The following CCDC152 variants were observed in gnomAD, a reference collection of about 807,000 sequenced individuals.
CCDC152 encodes the protein coiled-coil domain-containing protein 152.
A neutral mutation model predicts 38.1 loss-of-function variants in CCDC152; 37 were observed. The observed-to-expected ratio is 0.97, with a 90% CI of 0.75 to 1.28. CCDC152 has a LOEUF of 1.28. CCDC152 is among the 50% of genes most tolerant of loss of function. The pLI is 0.00. For missense variants in CCDC152, 259 were observed against 292.1 expected, an observed-to-expected ratio of 0.89 and a Z score of 0.83; for synonymous variants, 83 against 87.1, an observed-to-expected ratio of 0.95 and a Z score of 0.26.
chr5:42,785,326 T>A (rs1313568358), intron 6 of CCDC152, among the ~76,000 whole-genome samples: 3 of 152,132 alleles, frequency 2.0e-5, no homozygotes, highest in African/African-American at 7.2e-5. Flanking sequence ...CTTTGTTAAA[T>A]GTATTTCCAG....
intron 4 of CCDC152, among the ~76,000 whole-genome samples, chr5:42,778,877 C>T (rs549989222): frequency 3.0e-4 from 46 of 152,246 alleles, no homozygotes; most frequent in African/African-American, 1.1e-3. Context: ...CTCCCTGTAA[C>T]CTCTAAAACC....
chr5:42,770,065 T>C (rs1474034771), intron 4 of CCDC152, among the ~76,000 whole-genome samples: 5 of 152,250 alleles, frequency 3.3e-5, no homozygotes, highest in African/African-American at 1.2e-4. Flanking sequence ...TGTCATAGAC[T>C]AAGACTATAT....
Position 42,800,952 on chromosome 5 carries a change from CGACAATGGCAGCATCAGCTCCTAG to C in CCDC152, c.*1174_*1197del. ...CCCTGTTTTTTCAAATATCAGATGT[CGACAATGGCAGCATCAGCTCCTAG>C]GAGCCAACTCTGAATCTGTGGGCAA... is the stretch of plus-strand genomic sequence containing the variant. On this transcript the variant is annotated 3_prime_UTR_variant, in exon 9 of 9. Transcript: ENST00000361970. The C allele has an allele frequency of 6.2e-7, 1 of 1,614,200 alleles. No homozygotes were observed. The highest frequency in any genetic ancestry group is 8.5e-7 in the Non-Finnish European group (1 of 1,180,038).
At chr5:42,761,087 G>A (rs762770384) in intron 2 of CCDC152, among the ~76,000 whole-genome samples, 4 of 152,146 alleles carry the variant, frequency 2.6e-5, no homozygotes, top group African/African-American at 4.8e-5. Flanking sequence ...TGAGACTAGG[G>A]CAGTGGATAG....
At chr5:42,797,633 C>T (rs181920484) in intron 7 of CCDC152, among the ~76,000 whole-genome samples, 18 of 152,198 alleles carry the variant, frequency 1.2e-4, no homozygotes, top group East Asian at 1.9e-4. Context: ...ATGTTTCTAA[C>T]GCTTCACATT....
Position 42,801,803 on chromosome 5 carries a change from G to A in CCDC152, c.*2022G>A, listed in dbSNP as rs1457385091. 3.8e-5 allele frequency: 6 copies of A among 156,444 alleles called. No homozygotes were observed. The highest frequency in any genetic ancestry group is 8.4e-5 in the Non-Finnish European group (6 of 71,090). The allele number at this position is 156,444 out of a possible 1,614,324, so 9.7% of individuals were successfully genotyped here. On this transcript the variant is annotated 3_prime_UTR_variant, in exon 9 of 9. Coordinates refer to ENST00000361970, the MANE Select transcript of CCDC152 (RefSeq NM_001134848.2). ...GTGGTGTCAGATGCCTGTAGTCCCA[G>A]CTACTTGTGAGGCTGAGGTGGGAGG...
At chr5:42,777,569 T>C (rs1351024010) in intron 4 of CCDC152, among the ~76,000 whole-genome samples, 1 of 152,168 alleles carries the variant, frequency 6.6e-6, no homozygotes, top group East Asian at 1.9e-4. Context: ...ACTAATTTCT[T>C]GAAAGACACA....
At chr5:42,780,170 G>GCATATTT (rs1485291753) in intron 5 of CCDC152, among the ~76,000 whole-genome samples, 1 of 152,078 alleles carries the variant, frequency 6.6e-6, no homozygotes, top group African/African-American at 2.4e-5. Flanking sequence ...TCAAATTCTA[G>GCATATTT]CAGACAAAAG....
chr5:42,761,505 C>T (rs974296588), intron 2 of CCDC152, among the ~76,000 whole-genome samples: 3 of 152,078 alleles, frequency 2.0e-5, no homozygotes, highest in Non-Finnish European at 4.4e-5. Context: ...ATCCCAGCTA[C>T]TCAGGAGGCT....
At chr5:42,759,419 A>G (rs535001711) in intron 2 of CCDC152, among the ~76,000 whole-genome samples, 113 of 152,354 alleles carry the variant, frequency 7.4e-4, no homozygotes, top group African/African-American at 2.7e-3. Flanking sequence ...AAATGTCCCT[A>G]TGACAGGGAA....
At chr5:42,768,081 C>T (rs1723867981) in intron 3 of CCDC152, among the ~76,000 whole-genome samples, 1 of 152,090 alleles carries the variant, frequency 6.6e-6, no homozygotes, top group African/African-American at 2.4e-5. Flanking sequence ...CATCACAAAG[C>T]TTTAAACTTC....
chr5:42,777,490 A>T (rs1254445610), intron 4 of CCDC152, among the ~76,000 whole-genome samples: 1 of 151,778 alleles, frequency 6.6e-6, no homozygotes, highest in Non-Finnish European at 1.5e-5. Flanking sequence ...GAAGAAGAAG[A>T]AGATAATAAA....
chr5:42,766,949 G>A (rs1050989759), intron 3 of CCDC152, among the ~76,000 whole-genome samples: 2 of 152,100 alleles, frequency 1.3e-5, no homozygotes, highest in Admixed American at 1.3e-4. Flanking sequence ...AAATGCTTGA[G>A]GGGATAGATA....
chr5:42,785,049 C>T (rs901810668), intron 6 of CCDC152, among the ~76,000 whole-genome samples: 4 of 152,020 alleles, frequency 2.6e-5, no homozygotes, highest in Admixed American at 6.6e-5. Flanking sequence ...ATGCCTCCAT[C>T]TTTGTTCTTT....
intron 4 of CCDC152, among the ~76,000 whole-genome samples, chr5:42,772,805 A>G (rs1303568988): frequency 6.6e-6 from 1 of 152,212 alleles, no homozygotes; most frequent in Non-Finnish European, 1.5e-5. Context: ...GACCATTTTC[A>G]TCCAATTGAT....
chr5:42,759,303 A>C, intron 2 of CCDC152, 95 bp downstream of exon 2: 1 of 629,498 alleles, frequency 1.6e-6, no homozygotes, highest in Non-Finnish European at 2.7e-6. Flanking sequence ...ATATACCAAA[A>C]AATGATCAAG....
At chr5:42,782,789 G>A (rs1193362479) in intron 5 of CCDC152, among the ~76,000 whole-genome samples, 2 of 151,298 alleles carry the variant, frequency 1.3e-5, no homozygotes, top group Non-Finnish European at 2.9e-5. Context: ...TTGAGTTTAG[G>A]CATTCCACAA....
chr5:42,790,766 C>A (rs1759988289), intron 6 of CCDC152, among the ~76,000 whole-genome samples: 1 of 152,144 alleles, frequency 6.6e-6, no homozygotes, highest in Admixed American at 6.5e-5. Flanking sequence ...ATAAGTTCTG[C>A]AACTTGCAGG....
At position 42,799,954 on chromosome 5, in the gene CCDC152, A is replaced by G. The variant is rs1290161456; in HGVS notation, c.*173A>G. ...CCAATTCTGTACTGCATTCTTGCTT[A>G]ATAGTATTAACCATAAAGGAGGTCA... On this transcript the variant is annotated 3_prime_UTR_variant, in exon 9 of 9. Coordinates refer to ENST00000361970, the MANE Select transcript of CCDC152 (RefSeq NM_001134848.2). The G allele has an allele frequency of 9.3e-6, 6 of 642,516 alleles. No homozygotes were observed. In the Admixed American group the frequency reaches 2.7e-4, roughly 29 times the overall value. 39.8% of individuals were successfully genotyped at this position (642,516 alleles called of 1,614,324 possible). A position where few individuals can be genotyped will look rare whatever the true frequency, so the allele number is the denominator to read the frequency against.
Sources: allele counts gnomAD v4.1 joint callset (sites outside exome capture counted in the v4.1 genomes callset), GRCh38; gene constraint gnomAD v4.1.1; transcripts MANE v1.5; gene names NCBI Gene and HGNC (gene_info 2026-07-23, HGNC 2026-07-21).